The following PTPRS variants were observed in gnomAD, a reference collection of about 807,000 sequenced individuals.
PTPRS encodes the protein protein tyrosine phosphatase receptor type S, also known as receptor-type tyrosine-protein phosphatase S.
In PTPRS, 63 loss-of-function variants were observed where a neutral mutation model predicts 215.3. That is an observed-to-expected ratio of 0.29 (90% confidence interval 0.24 to 0.36). The LOEUF is 0.36. PTPRS is among the 10% of genes least tolerant of loss of function. The pLI, the probability that PTPRS is intolerant of heterozygous loss-of-function variation, is 1.00. For synonymous variants in PTPRS, 1,404 were observed against 1,191.4 expected, an observed-to-expected ratio of 1.18 and a Z score of -3.68; for missense variants, 2,258 against 2,825.8, an observed-to-expected ratio of 0.80 and a Z score of 4.56.
chr19:5,241,991 A>G (rs1039724679), intron 11 of PTPRS, among the ~76,000 whole-genome samples: 1 of 152,164 alleles, frequency 6.6e-6, no homozygotes, highest in African/African-American at 2.4e-5. Flanking sequence ...ACACGCTATC[A>G]TGCCCGGCTA....
intron 24 of PTPRS, 37 bp from the exon 25 acceptor site, chr19:5,218,569 T>C (rs1599422803): frequency 1.9e-6 from 3 of 1,596,246 alleles, no homozygotes; most frequent in Non-Finnish European, 2.6e-6. Flanking sequence ...CAGTTAGTAG[T>C]GGCACATGTT....
chr19:5,292,363 A>G (rs542634086), intron 1 of PTPRS, among the ~76,000 whole-genome samples: 1 of 152,112 alleles, frequency 6.6e-6, no homozygotes, highest in East Asian at 1.9e-4. Flanking sequence ...GCAGAGACTT[A>G]AAGGGTGGGG....
At chr19:5,311,402 G>A (rs942180300) in intron 1 of PTPRS, among the ~76,000 whole-genome samples, 3 of 152,170 alleles carry the variant, frequency 2.0e-5, no homozygotes, top group Non-Finnish European at 4.4e-5. Context: ...CTGACCCTGT[G>A]AGGATCAGGG....
At chr19:5,231,125 G>A (rs576959909) in intron 14 of PTPRS, among the ~76,000 whole-genome samples, 185 bp downstream of exon 14, 56 of 152,282 alleles carry the variant, frequency 3.7e-4, no homozygotes, top group East Asian at 2.3e-3. Flanking sequence ...GCCTGCCCAT[G>A]TCTAGAATCG....
intron 27 of PTPRS, 25 bp downstream of exon 27, chr19:5,215,473 G>A: frequency 4.4e-6 from 7 of 1,608,424 alleles, no homozygotes; most frequent in Non-Finnish European, 6.0e-6. Context: ...GAGGTGATGA[G>A]GGTGGGAGGC....
rs566364965 is a variant in PTPRS, at chr19:5,258,906, G to A, written c.596-779C>T. ...AATAAAAGTCTGAATTTACCTGCTT[G>A]TATTTAAAACCACAAGCCTGAAGTC... On this transcript the variant is annotated intron_variant, in intron 7 of 37. Coordinates refer to ENST00000262963, the MANE Select transcript of PTPRS (RefSeq NM_002850.4). 3.3e-5 allele frequency among the ~76,000 whole-genome samples: 5 copies of A among 152,302 alleles called. No homozygotes were observed. The East Asian group carries it at 9.6e-4, about 29-fold the overall frequency.
At chr19:5,216,673 A>G in intron 26 of PTPRS, 47 bp downstream of exon 26, 1 of 1,420,422 alleles carries the variant, frequency 7.0e-7, no homozygotes, top group Non-Finnish European at 9.7e-7. Context: ...GAGGAAATGA[A>G]CGGGGGCGGG....
At chr19:5,266,025 C>T (rs530514227) in intron 4 of PTPRS, among the ~76,000 whole-genome samples, 104 of 152,128 alleles carry the variant, frequency 6.8e-4, no homozygotes, top group African/African-American at 1.9e-3. Flanking sequence ...TTTGGGAGGC[C>T]GAGACAGGTG....
In PTPRS at chr19:5,287,755, C is replaced by CG. The variant is rs1320764945; in HGVS notation, c.-94-1522dup. Among the ~76,000 whole-genome samples the CG allele has an allele frequency of 6.6e-6, 1 of 152,090 alleles. No homozygotes were observed. Among genetic ancestry groups the CG allele is most frequent in the Non-Finnish European group, 1.5e-5 (1 of 68,006 alleles). ...ACAGCCTAGGGTGACGAACGGGATT[C>CG]GGGGGGCCTCAGTGTACATAGTTAG... On this transcript the variant is annotated intron_variant, in intron 1 of 37. Coordinates refer to ENST00000262963, the MANE Select transcript of PTPRS (RefSeq NM_002850.4). The surrounding 1 kb of genome is among the most constrained non-coding windows in gnomAD (Gnocchi z 4.8).
rs949283880 is a variant in PTPRS, at chr19:5,340,742, CCGAGCGCCAGCGGCTCGCGGCGTG to C, written c.-197_-174del. 2 of 150,348 alleles carry C rather than the reference CCGAGCGCCAGCGGCTCGCGGCGTG, an allele frequency of 1.3e-5. No individual in the cohort carries two copies. The highest frequency in any genetic ancestry group is 4.9e-5 in the African/African-American group (2 of 41,212). 9.3% of individuals were successfully genotyped at this position (150,348 alleles called of 1,614,324 possible). On this transcript the variant is annotated 5_prime_UTR_variant, in exon 1 of 38. Transcript: ENST00000262963. ...CTGTTGCATGGGATCCGAGCGGAGC[CCGAGCGCCAGCGGCTCGCGGCGTG>C]CGCGCGCCGGCCGGGCTGCCGGGCG... is the stretch of plus-strand genomic sequence containing the variant.
intron 11 of PTPRS, among the ~76,000 whole-genome samples, chr19:5,243,416 G>A (rs950990990): frequency 6.6e-6 from 1 of 152,072 alleles, no homozygotes; most frequent in Non-Finnish European, 1.5e-5. Flanking sequence ...GGTTACAGGT[G>A]TGAGCCACCG....
In PTPRS at chr19:5,220,067, A is replaced by G; in HGVS notation, c.3637T>C (p.Phe1213Leu). ...TGGAACGTGGGTGGCAGCACAGAGA[A>G]GCGAGCTGCAATATAGGGCCGGGGC... The part of the protein sequence containing the change: ...EVPRPYIAAR[F>L]SVLPPTFHPG... The change falls in exon 22 of 38, where the codon TTC becomes CTC. Residue 1213 changes from phenylalanine to leucine, a missense_variant. Physicochemically the swap from Phe to Leu is conservative, Grantham distance 22 (BLOSUM62 0). This residue lies in a region of PTPRS where 927 missense variants were observed against 1,125.9 expected (regional missense o/e 0.82). Coordinates refer to ENST00000262963, the MANE Select transcript of PTPRS (RefSeq NM_002850.4). 6.2e-7 allele frequency: 1 copy of G among 1,613,988 alleles called. No individual in the cohort carries two copies. The highest frequency in any genetic ancestry group is 1.1e-5 in the South Asian group (1 of 91,090).
chr19:5,212,421 T>G lies in PTPRS; in HGVS notation c.4685A>C (p.Glu1562Ala), dbSNP rs1375587926. ...FTAWPDHGVP[E>A]YPTPFLAFLR... The stretch of plus-strand genomic sequence containing the variant: ...GAAAGCCAGGAAGGGCGTTGGGTAT[T>G]CGGGCACGCCATGGTCCGGCCACGC... The change falls in exon 31 of 38, where the codon GAA becomes GCA. Residue 1562 changes from glutamate to alanine, a missense_variant. Transcript: ENST00000262963. 1 of 1,603,198 alleles carries G rather than the reference T, an allele frequency of 6.2e-7. No individual in the cohort carries two copies. Among genetic ancestry groups the G allele is most frequent in the African/African-American group, 1.3e-5 (1 of 74,636 alleles).
At chr19:5,255,617 A>G (rs1291324322) in intron 9 of PTPRS, among the ~76,000 whole-genome samples, 1 of 152,186 alleles carries the variant, frequency 6.6e-6, no homozygotes, top group Non-Finnish European at 1.5e-5. Flanking sequence ...AAAGGAAAAA[A>G]GAAAACCAAA....
rs546134829 is a variant in PTPRS at position 5,225,941 on chromosome 19, G to C, written c.2377-97C>G. 8.8e-5 allele frequency: 88 copies of C among 1,005,458 alleles called. No homozygotes were observed. In the South Asian group the frequency reaches 1.1e-3, roughly 13 times the overall value. 62.3% of individuals were successfully genotyped at this position (1,005,458 alleles called of 1,614,324 possible). On this transcript the variant is annotated intron_variant, in intron 16 of 37. Coordinates refer to ENST00000262963, the MANE Select transcript of PTPRS (RefSeq NM_002850.4). Reference sequence around the variant, plus strand: ...CTGAGAACAAGCAAGGAGGATGCAGGGCCCGGATCAGGGGTGGAGACGTGC... The same window carrying C: ...CTGAGAACAAGCAAGGAGGATGCAGCGCCCGGATCAGGGGTGGAGACGTGC...
Position 5,213,127 on chromosome 19 carries a change from A to G in PTPRS, c.4615-636T>C, listed in dbSNP as rs1055483488. Among the ~76,000 whole-genome samples the G allele has an allele frequency of 1.1e-4, 16 of 152,124 alleles. 1 individual carries two copies. Among genetic ancestry groups the G allele is most frequent in the African/African-American group, 3.6e-4 (15 of 41,430 alleles). On this transcript the variant is annotated intron_variant, in intron 30 of 37. Transcript: ENST00000262963. ...ACTGTCGGCTCTGCCTTCAAAGTCTATCCCAATCCACCTGCTCCATGTTCT... is the reference window on the plus strand; with the variant it reads ...ACTGTCGGCTCTGCCTTCAAAGTCTGTCCCAATCCACCTGCTCCATGTTCT...
Position 5,273,499 on chromosome 19 carries a change from C to T in PTPRS, c.322G>A (p.Val108Met). The part of the protein sequence containing the change: ...TPRDENVYEC[V>M]AQNSVGEITV... ...ATCTCCCCAACCGAGTTCTGGGCCACACACTCGTACACGTTTTCATCCCGC... is the reference window on the plus strand; with the variant it reads ...ATCTCCCCAACCGAGTTCTGGGCCATACACTCGTACACGTTTTCATCCCGC... The change falls in exon 4 of 38, where the codon GTG becomes ATG. Residue 108 changes from valine to methionine, a missense_variant. Around this residue, in one of 6 missense-constraint regions of PTPRS, gnomAD observed 508 missense variants for 799.4 expected, o/e 0.64. Transcript: ENST00000262963. 6.2e-7 allele frequency: 1 copy of T among 1,614,216 alleles called. No individual in the cohort carries two copies. The highest frequency in any genetic ancestry group is 8.5e-7 in the Non-Finnish European group (1 of 1,180,040).
intron 1 of PTPRS, among the ~76,000 whole-genome samples, chr19:5,333,331 TAATAA>T (rs2050389903): frequency 6.7e-6 from 1 of 148,544 alleles, no homozygotes; most frequent in African/African-American, 2.5e-5. Flanking sequence ...TAAATAATAA[TAATAA>T]TAATAATAAT....
At chr19:5,320,834 G>A (rs1198679176) in intron 1 of PTPRS, among the ~76,000 whole-genome samples, 1 of 152,174 alleles carries the variant, frequency 6.6e-6, no homozygotes, top group Non-Finnish European at 1.5e-5. Flanking sequence ...GGATGGTTGA[G>A]GTTATCATTA....
Sources: allele counts gnomAD v4.1 joint callset (sites outside exome capture counted in the v4.1 genomes callset), GRCh38; gene constraint gnomAD v4.1.1; regional missense constraint gnomAD v4.1.1; non-coding constraint Gnocchi (gnomAD v3.1); transcripts MANE v1.5; gene names NCBI Gene and HGNC (gene_info 2026-07-23, HGNC 2026-07-21).